The following PRKCH variants were observed in gnomAD, a reference collection of about 807,000 sequenced individuals.
PRKCH encodes the protein protein kinase C eta, also known as protein kinase C eta type.
In PRKCH, 28 loss-of-function variants were observed where a neutral mutation model predicts 82.5. That is an observed-to-expected ratio of 0.34 (90% CI 0.25 to 0.47). The LOEUF (loss-of-function observed/expected upper bound fraction) is 0.47. Ranked by LOEUF, PRKCH falls within the 20% of genes least tolerant of loss-of-function variation. The pLI is 1.00. For missense variants in PRKCH, 705 were observed against 881.8 expected, an observed-to-expected ratio of 0.80 and a Z score of 2.54; for synonymous variants, 322 against 327.4, an observed-to-expected ratio of 0.98 and a Z score of 0.18.
At chr14:61,187,922 G>A (rs945556779) in intron 1 of PRKCH, among the ~76,000 whole-genome samples, 1 of 152,120 alleles carries the variant, frequency 6.6e-6, no homozygotes, top group East Asian at 1.9e-4. Flanking sequence ...GGCACATAGT[G>A]GGCACTTAAT....
At chr14:61,369,491 A>G (rs1384014115) in intron 1 of PRKCH, among the ~76,000 whole-genome samples, 3 of 152,100 alleles carry the variant, frequency 2.0e-5, no homozygotes, top group Non-Finnish European at 4.4e-5. Context: ...TTCAGATTCA[A>G]ATTTGTAGCT....
chr14:61,421,261 G>C (rs1882821073), intron 2 of PRKCH, among the ~76,000 whole-genome samples: 1 of 151,810 alleles, frequency 6.6e-6, no homozygotes. Flanking sequence ...TATACAATCA[G>C]TTTCAGGCAA....
chr14:61,339,054 A>T (rs1170952394), intron 1 of PRKCH, among the ~76,000 whole-genome samples: 2 of 152,108 alleles, frequency 1.3e-5, no homozygotes, highest in Non-Finnish European at 2.9e-5. Context: ...ATTGGAAGAG[A>T]TGATAATGAG....
chr14:61,533,479 T>C (rs2043068517), intron 12 of PRKCH, among the ~76,000 whole-genome samples: 1 of 152,194 alleles, frequency 6.6e-6, no homozygotes. Context: ...TTCAGAGCAC[T>C]CAAGACTTGA....
chr14:61,472,911 A>G (rs1885567176), intron 9 of PRKCH, among the ~76,000 whole-genome samples: 1 of 152,232 alleles, frequency 6.6e-6, no homozygotes, highest in Non-Finnish European at 1.5e-5. Context: ...TGTGCCAGGG[A>G]TGAAGACACA....
chr14:61,316,478 A>C (rs1457913247), intron 1 of PRKCH, among the ~76,000 whole-genome samples: 1 of 152,262 alleles, frequency 6.6e-6, no homozygotes, highest in Non-Finnish European at 1.5e-5. Context: ...TCATGGAATA[A>C]AACCCTCTAG....
chr14:61,306,224 C>T (rs1413563880), intron 1 of PRKCH: 6 of 152,196 alleles, frequency 3.9e-5, no homozygotes, highest in Non-Finnish European at 5.9e-5. Flanking sequence ...CAGTACTGCA[C>T]AGTCTATGAT....
chr14:61,414,511 G>A, intron 2 of PRKCH, among the ~76,000 whole-genome samples: 1 of 151,246 alleles, frequency 6.6e-6, no homozygotes, highest in Non-Finnish European at 1.5e-5. Flanking sequence ...GACCCCAAGT[G>A]ATCTGCCTGC....
chr14:61,257,038 C>T (rs911611456), intron 1 of PRKCH, among the ~76,000 whole-genome samples: 2 of 152,180 alleles, frequency 1.3e-5, no homozygotes, highest in African/African-American at 4.8e-5. Flanking sequence ...GGAAACACTA[C>T]TAATATGCTT....
intron 1 of PRKCH, among the ~76,000 whole-genome samples, chr14:61,259,816 T>C (rs1334983198): frequency 1.3e-5 from 2 of 152,186 alleles, no homozygotes; most frequent in African/African-American, 4.8e-5. Context: ...TGGTCCATTT[T>C]CCCCGATTTG....
rs1175428942 is a variant in PRKCH, at chr14:61,413,414, GCC to G, written c.427+22129_427+22130del. ...ATTTCTTTTTAAGCGCCCCCCCCCCGCCCCGCCCATGTACCCTGTGCCTATAT... is the reference window on the plus strand; with the variant it reads ...ATTTCTTTTTAAGCGCCCCCCCCCCGCCGCCCATGTACCCTGTGCCTATAT... On this transcript the variant is annotated intron_variant, in intron 2 of 13. Transcript: ENST00000332981. Among the ~76,000 whole-genome samples the G allele has an allele frequency of 1.5e-3, 88 of 57,322 alleles. 1 individual carries two copies. Among genetic ancestry groups the G allele is most frequent in the South Asian group, 4.2e-3 (3 of 712 alleles). 37.6% of individuals were successfully genotyped at this position (57,322 alleles called of 152,430 possible).
intron 10 of PRKCH, among the ~76,000 whole-genome samples, chr14:61,521,314 T>G (rs995721297): frequency 6.6e-6 from 1 of 152,204 alleles, no homozygotes; most frequent in Non-Finnish European, 1.5e-5. Flanking sequence ...CATAAAAATT[T>G]GGCAGCTTTC....
chr14:61,453,504 T>G (rs543677126), intron 7 of PRKCH, 151 bp downstream of exon 7: 6 of 787,674 alleles, frequency 7.6e-6, no homozygotes, highest in Non-Finnish European at 1.1e-5. Flanking sequence ...TTCTCTTTCT[T>G]TCTTTCTTTT....
intron 10 of PRKCH, among the ~76,000 whole-genome samples, chr14:61,510,545 G>A (rs951340897): frequency 1.3e-5 from 2 of 152,148 alleles, no homozygotes; most frequent in African/African-American, 2.4e-5. Context: ...AGTAGGGATA[G>A]CAACAGAGTA....
At chr14:61,499,103 T>C (rs559011827) in intron 10 of PRKCH, among the ~76,000 whole-genome samples, 1 of 152,236 alleles carries the variant, frequency 6.6e-6, no homozygotes, top group South Asian at 2.1e-4. Flanking sequence ...GGAGCTCTAT[T>C]TTGAGGTGTG....
chr14:61,339,491 T>A (rs866534387), intron 1 of PRKCH, among the ~76,000 whole-genome samples: 8 of 150,134 alleles, frequency 5.3e-5, no homozygotes, highest in Non-Finnish European at 1.2e-4. Context: ...GCCCGGCTAA[T>A]TTTTTGTATT....
chr14:61,212,328 T>C (rs1011579054), intron 1 of PRKCH, among the ~76,000 whole-genome samples: 11 of 152,140 alleles, frequency 7.2e-5, no homozygotes, highest in Non-Finnish European at 1.5e-4. Context: ...TGCAGAGCGG[T>C]TGTAACTATG....
intron 1 of PRKCH, among the ~76,000 whole-genome samples, chr14:61,226,758 A>G (rs767729318): frequency 3.3e-5 from 5 of 152,218 alleles, no homozygotes; most frequent in Admixed American, 2.0e-4. Flanking sequence ...ACAAAGGCCT[A>G]AATATTATTA....
At chr14:61,224,814 A>G (rs1165184712) in intron 1 of PRKCH, among the ~76,000 whole-genome samples, 1 of 152,128 alleles carries the variant, frequency 6.6e-6, no homozygotes, top group Non-Finnish European at 1.5e-5. Context: ...TTTGGAAGCA[A>G]GTTTCTGACA....
Sources: gnomAD v4.1 joint callset for allele counts (sites outside exome capture counted in the v4.1 genomes callset) on GRCh38, gnomAD v4.1.1 for gene constraint, MANE v1.5 for transcripts, NCBI Gene and HGNC (gene_info 2026-07-23, HGNC 2026-07-21) for gene names.